SHISA9: variants seen among roughly 807,000 people sequenced by gnomAD.
The protein encoded by SHISA9 is shisa family member 9, also known as protein shisa-9.
In SHISA9, 13 loss-of-function variants were observed where a neutral mutation model predicts 38.0. That is an observed-to-expected ratio of 0.34 (90% CI 0.22 to 0.54). The LOEUF is 0.54. SHISA9 is among the 20% of genes least tolerant of loss of function. The probability of loss-of-function intolerance (pLI) is 0.91; values close to 1 mark genes in which losing one functional copy is unlikely to be tolerated. For missense variants in SHISA9, 538 were observed against 575.8 expected (o/e 0.93, Z 0.67); for synonymous variants, 275 against 242.0 (o/e 1.14, Z -1.27).
the SHISA9 span, among the ~76,000 whole-genome samples, chr16:13,411,603 G>A: frequency 6.6e-6 from 1 of 152,208 alleles, no homozygotes; most frequent in African/African-American, 2.4e-5. Context: ...TCCTGAGCCT[G>A]TTGTTTTCAT....
At chr16:13,165,522 A>G (rs1022309471) in intron 2 of SHISA9, among the ~76,000 whole-genome samples, 1 of 152,244 alleles carries the variant, frequency 6.6e-6, no homozygotes, top group Non-Finnish European at 1.5e-5. Flanking sequence ...TAGTGTTTGA[A>G]TTTGGCAACA....
chr16:13,515,605 C>A, the SHISA9 span, among the ~76,000 whole-genome samples: 1 of 151,898 alleles, frequency 6.6e-6, no homozygotes, highest in African/African-American at 2.4e-5. Flanking sequence ...TATATATGAC[C>A]CCAACAGTGA....
chr16:13,155,958 G>T (rs560718018), intron 2 of SHISA9, among the ~76,000 whole-genome samples: 2 of 152,190 alleles, frequency 1.3e-5, no homozygotes, highest in Non-Finnish European at 2.9e-5. Context: ...ATGTGTTTGC[G>T]GGGATGCCAA....
chr16:13,414,662 T>TTTTTC, the SHISA9 span, among the ~76,000 whole-genome samples: 2 of 150,862 alleles, frequency 1.3e-5, no homozygotes, highest in East Asian at 3.9e-4. Flanking sequence ...TTTTTTTTTT[T>TTTTTC]CAGACAGAGT....
the SHISA9 span, among the ~76,000 whole-genome samples, chr16:13,488,987 A>G: frequency 1.3e-5 from 2 of 152,118 alleles, no homozygotes; most frequent in African/African-American, 2.4e-5. Flanking sequence ...GTGAGCCAGG[A>G]TGGTCTCGGT....
the SHISA9 span, among the ~76,000 whole-genome samples, chr16:13,324,383 G>C: frequency 6.6e-6 from 1 of 152,032 alleles, no homozygotes; most frequent in African/African-American, 2.4e-5. Context: ...TTACCTCCAG[G>C]ATCCTGGCCC....
chr16:13,559,190 T>C, the SHISA9 span, among the ~76,000 whole-genome samples: 1 of 152,098 alleles, frequency 6.6e-6, no homozygotes, highest in Non-Finnish European at 1.5e-5. Flanking sequence ...AGTATCGAGT[T>C]TATTTAAATT....
intron 2 of SHISA9, among the ~76,000 whole-genome samples, chr16:13,025,305 A>C (rs939063264): frequency 2.0e-5 from 3 of 152,192 alleles, no homozygotes; most frequent in South Asian, 2.1e-4. Context: ...TAGACCTACA[A>C]ATTCTCAGGA....
intron 2 of SHISA9, among the ~76,000 whole-genome samples, chr16:13,034,223 C>T (rs2073026594): frequency 6.6e-6 from 1 of 151,680 alleles, no homozygotes; most frequent in African/African-American, 2.4e-5. Flanking sequence ...CTGCTTGACT[C>T]CTTGGACTCC....
At chr16:13,051,550 CTTCATTTTTTAT>C (rs1179548827) in intron 2 of SHISA9, among the ~76,000 whole-genome samples, 1 of 152,042 alleles carries the variant, frequency 6.6e-6, no homozygotes, top group Admixed American at 6.5e-5. Context: ...ATCCACTTGC[CTTCATTTTTTAT>C]TTCATTTTTT....
chr16:13,095,458 C>G (rs1191715261), intron 2 of SHISA9, among the ~76,000 whole-genome samples: 1 of 152,208 alleles, frequency 6.6e-6, no homozygotes, highest in Non-Finnish European at 1.5e-5. Context: ...GGCCACCTCA[C>G]TGGGCTAGGG....
At chr16:13,149,499 G>C (rs747943255) in intron 2 of SHISA9, among the ~76,000 whole-genome samples, 6 of 152,156 alleles carry the variant, frequency 3.9e-5, no homozygotes, top group Admixed American at 1.3e-4. Context: ...AGGGTACCCT[G>C]AGTTGCATCA....
chr16:12,972,976 C>T (rs7200826), intron 2 of SHISA9, among the ~76,000 whole-genome samples: 29,715 of 151,950 alleles, frequency 0.2, 3,683 homozygotes, highest in Middle Eastern at 0.31. Flanking sequence ...ATTAGCCAGG[C>T]GTGGTGGTGG....
At chr16:13,215,012 C>T (rs1429334849) in intron 4 of SHISA9, among the ~76,000 whole-genome samples, 2 of 151,974 alleles carry the variant, frequency 1.3e-5, no homozygotes, top group African/African-American at 4.8e-5. Context: ...GATTAGGGGA[C>T]TGTGGACTAG....
At chr16:13,315,738 T>G in the SHISA9 span, among the ~76,000 whole-genome samples, 1 of 152,202 alleles carries the variant, frequency 6.6e-6, no homozygotes, top group Non-Finnish European at 1.5e-5. Flanking sequence ...TATAGTTAGC[T>G]ATTATTATTC....
chr16:13,508,676 G>A, the SHISA9 span, among the ~76,000 whole-genome samples: 1 of 152,176 alleles, frequency 6.6e-6, no homozygotes, highest in South Asian at 2.1e-4. Flanking sequence ...AATCCATTAA[G>A]CCTTTTGGGT....
At chr16:13,018,128 A>G (rs1294570193) in intron 2 of SHISA9, among the ~76,000 whole-genome samples, 1 of 152,124 alleles carries the variant, frequency 6.6e-6, no homozygotes, top group African/African-American at 2.4e-5. Context: ...TGGAGCCTTG[A>G]CCAGGTCAGC....
At chr16:13,291,206 C>T in the SHISA9 span, among the ~76,000 whole-genome samples, 97 of 152,216 alleles carry the variant, frequency 6.4e-4, no homozygotes, top group African/African-American at 2.2e-3. Flanking sequence ...AGGCAGACAC[C>T]GCAAGACCCT....
the SHISA9 span, among the ~76,000 whole-genome samples, chr16:13,403,316 C>G: frequency 1.6e-4 from 24 of 152,120 alleles, no homozygotes; most frequent in South Asian, 4.1e-4. Flanking sequence ...ATTTGAACAG[C>G]CTTTTAGGAC....
Sources: gnomAD v4.1 joint callset for allele counts (sites outside exome capture counted in the v4.1 genomes callset) on GRCh38, gnomAD v4.1.1 for gene constraint, MANE v1.5 for transcripts, NCBI Gene and HGNC (gene_info 2026-07-23, HGNC 2026-07-21) for gene names.